Variants in TNNT1 observed in about 807,000 individuals in gnomAD.
TNNT1 encodes the protein troponin T1, slow skeletal type, also known as troponin T, slow skeletal muscle.
TNNT1 carries 53 observed loss-of-function variants against 50.6 expected under a neutral mutation model. The observed-to-expected ratio is 1.05, with a 90% CI of 0.84 to 1.32. The LOEUF (loss-of-function observed/expected upper bound fraction) is 1.32. Ranked by LOEUF, TNNT1 falls within the 40% of genes most tolerant of loss-of-function variation. TNNT1 has a pLI of 0.00. For missense variants in TNNT1, 348 were observed against 381.7 expected (o/e 0.91, Z 0.74); for synonymous variants, 142 against 138.0 (o/e 1.03, Z -0.20).
At chr19:55,140,806 A>G (rs202230482) in intron 9 of TNNT1, 77 bp downstream of exon 9, 19 of 921,638 alleles carry the variant, frequency 2.1e-5, no homozygotes, top group East Asian at 1.3e-4. Flanking sequence ...AATAATAATA[A>G]TAATAATAAT....
At chr19:55,139,174 A>G (rs1421086721) in intron 9 of TNNT1, among the ~76,000 whole-genome samples, 1 of 151,894 alleles carries the variant, frequency 6.6e-6, no homozygotes, top group Non-Finnish European at 1.5e-5. Context: ...TAATTTTTGT[A>G]TTTTTAGTAC....
chr19:55,146,630 T>TGGGCCCCC, intron 4 of TNNT1, 51 bp downstream of exon 4: 1 of 1,025,184 alleles, frequency 9.8e-7, no homozygotes, highest in Non-Finnish European at 1.4e-6. Flanking sequence ...GGGCCCAGCG[T>TGGGCCCCC]CCCCGCCCCC....
At chr19:55,144,376 C>T (rs937413812) in intron 6 of TNNT1, among the ~76,000 whole-genome samples, 3 of 151,828 alleles carry the variant, frequency 2.0e-5, no homozygotes, top group African/African-American at 7.3e-5. Flanking sequence ...GGCCCCATTC[C>T]CTTATTTTTA....
At chr19:55,141,955 C>G (rs1386516263) in intron 6 of TNNT1, 35 bp from the exon 7 acceptor site, 1 of 1,609,794 alleles carries the variant, frequency 6.2e-7, no homozygotes, top group African/African-American at 1.3e-5. Flanking sequence ...CATGAGTGGC[C>G]CGACCTCCCT....
At chr19:55,145,221 C>G (rs1463597637) in intron 6 of TNNT1, among the ~76,000 whole-genome samples, 1 of 151,620 alleles carries the variant, frequency 6.6e-6, no homozygotes, top group East Asian at 1.9e-4. Flanking sequence ...ATTGCTTGAG[C>G]CCAAGATGTT....
In TNNT1 at chr19:55,141,151, AG is replaced by A. The variant is rs748221508; in HGVS notation, c.309+34del. 4.5e-6 allele frequency: 7 copies of A among 1,571,890 alleles called. No individual in the cohort carries two copies. In the Admixed American group the frequency reaches 1.0e-4, roughly 22 times the overall value. ...AGATGCAAGGGATCCACATGGAGGG[AG>A]GAAGACCGGGGGGAACCCGGACTCT... On this transcript the variant is annotated intron_variant, in intron 8 of 13. Coordinates refer to ENST00000588981, the MANE Select transcript of TNNT1 (RefSeq NM_003283.6).
At chr19:55,145,617 G>A (rs777538551) in intron 5 of TNNT1, 52 bp from the exon 6 acceptor site, 1 of 1,607,820 alleles carries the variant, frequency 6.2e-7, no homozygotes, top group Non-Finnish European at 8.5e-7. Context: ...TTAGAGGAGA[G>A]GGGCTAGGCC....
At chr19:55,136,101 C>T (rs530696081) in intron 11 of TNNT1, among the ~76,000 whole-genome samples, 8 of 152,294 alleles carry the variant, frequency 5.3e-5, no homozygotes, top group African/African-American at 1.2e-4. Context: ...ACCAGACTGC[C>T]GGGTTCAAAT....
intron 13 of TNNT1, chr19:55,133,436 T>G (rs1325415416): frequency 5.8e-5 from 17 of 293,704 alleles, no homozygotes; most frequent in Non-Finnish European, 9.1e-5. Flanking sequence ...TCCCAGCACT[T>G]TAGGAGGCCA....
intron 13 of TNNT1, among the ~76,000 whole-genome samples, chr19:55,133,321 A>G (rs1399516874): frequency 2.0e-5 from 3 of 151,856 alleles, no homozygotes; most frequent in Non-Finnish European, 4.4e-5. Flanking sequence ...AAATGGGAGA[A>G]GAGGAGAAGG....
intron 5 of TNNT1, 21 bp downstream of exon 5, chr19:55,146,413 A>G: frequency 7.3e-7 from 1 of 1,361,472 alleles, no homozygotes. Flanking sequence ...CGGTCTCGGG[A>G]AGCGAAGCAG....
At chr19:55,134,967 T>G (rs1373093729) in intron 11 of TNNT1, among the ~76,000 whole-genome samples, 1 of 151,932 alleles carries the variant, frequency 6.6e-6, no homozygotes, top group Admixed American at 6.6e-5. Flanking sequence ...GTCACATGAC[T>G]TCCTTTAGAA....
intron 13 of TNNT1, among the ~76,000 whole-genome samples, chr19:55,133,241 G>A (rs1250170976): frequency 6.6e-6 from 1 of 152,060 alleles, no homozygotes; most frequent in Non-Finnish European, 1.5e-5. Flanking sequence ...CCAGGGTGGG[G>A]GGAGGAAGGG....
In TNNT1 at chr19:55,138,008, T is replaced by C; in HGVS notation, c.454A>G (p.Lys152Glu). Residue 152 changes from lysine to glutamate, a missense_variant, in exon 10 of 14, where the codon AAG becomes GAG. Physicochemically the swap from Lys to Glu is moderately conservative, Grantham distance 56. Coordinates refer to ENST00000588981, the MANE Select transcript of TNNT1 (RefSeq NM_003283.6). ...TGGGCCCCCATGTTGGACAGCACCTTCTTTTTCTTGGCATCATCCTCTGCC... is the reference window on the plus strand; with the variant it reads ...TGGGCCCCCATGTTGGACAGCACCTCCTTTTTCTTGGCATCATCCTCTGCC... ...KRAEDDAKKK[K>E]VLSNMGAHFG... 6.2e-7 allele frequency: 1 copy of C among 1,614,190 alleles called. No individual in the cohort carries two copies.
At position 55,146,474 on chromosome 19, in the gene TNNT1, GGGGA is replaced by G; in HGVS notation, c.74-12_74-9del. 7.3e-7 allele frequency: 1 copy of G among 1,371,344 alleles called. No individual in the cohort carries two copies. Among genetic ancestry groups the G allele is most frequent in the Non-Finnish European group, 9.5e-7 (1 of 1,054,410 alleles). The allele number at this position is 1,371,344 out of a possible 1,614,324, so 84.9% of individuals were successfully genotyped here. ...GCTCCGGCTCTTCGGGGGCTGGGGA[GGGGA>G]GGGAGGAGCAGCGAGGGTTTGGGGA... On this transcript the variant is annotated splice_polypyrimidine_tract_variant and intron_variant, in intron 4 of 13. Transcript: ENST00000588981.
intron 10 of TNNT1, 59 bp from the exon 11 acceptor site, chr19:55,137,271 T>A: frequency 7.9e-7 from 1 of 1,266,470 alleles, no homozygotes; most frequent in Non-Finnish European, 1.2e-6. Context: ...AGCACTGCCG[T>A]GTCGGGACCC....
intron 7 of TNNT1, 77 bp downstream of exon 7, chr19:55,141,780 G>A (rs924622439): frequency 1.3e-6 from 2 of 1,557,066 alleles, no homozygotes; most frequent in Non-Finnish European, 1.8e-6. Context: ...GCGCCCGGCC[G>A]GCGCCTTTTC....
intron 1 of TNNT1, among the ~76,000 whole-genome samples, chr19:55,148,772 T>C (rs910214257): frequency 6.6e-6 from 1 of 151,854 alleles, no homozygotes; most frequent in Non-Finnish European, 1.5e-5. Flanking sequence ...CCCAATTTCT[T>C]CTGAGACCCC....
intron 6 of TNNT1, among the ~76,000 whole-genome samples, chr19:55,142,274 C>G (rs978685253): frequency 3.3e-5 from 5 of 151,146 alleles, no homozygotes; most frequent in African/African-American, 1.2e-4. Flanking sequence ...GCGCCCACCA[C>G]CAAGCCTGGC....
Sources: gnomAD v4.1 joint callset for allele counts (sites outside exome capture counted in the v4.1 genomes callset) on GRCh38, gnomAD v4.1.1 for gene constraint, MANE v1.5 for transcripts, NCBI Gene and HGNC (gene_info 2026-07-23, HGNC 2026-07-21) for gene names.